The following YRDC variants were observed in gnomAD, a reference collection of about 807,000 sequenced individuals.
YRDC encodes yrdC N6-threonylcarbamoyltransferase domain containing.
Under a neutral mutation model 21.5 loss-of-function variants are expected in YRDC, and 17 were observed. That is an observed-to-expected ratio of 0.79 (90% CI 0.54 to 1.19). The LOEUF is 1.19. Ranked by LOEUF, YRDC falls within the 50% of genes most tolerant of loss-of-function variation. The pLI, the probability that YRDC is intolerant of heterozygous loss-of-function variation, is 0.00. For synonymous variants in YRDC, 193 were observed against 176.7 expected (o/e 1.09, Z -0.73); for missense variants, 380 against 397.1 (o/e 0.96, Z 0.37).
Position 37,808,187 on chromosome 1 carries a change from A to G in YRDC, c.-7T>C, listed in dbSNP as rs560598698. ...ACCGACGCGCCGGAGACATCCGCCCAGGCCCGCTTCCGGGAGGAAGTGACG... is the reference window on the plus strand; with the variant it reads ...ACCGACGCGCCGGAGACATCCGCCCGGGCCCGCTTCCGGGAGGAAGTGACG... On this transcript the variant is annotated 5_prime_UTR_variant, in exon 1 of 5. Coordinates refer to ENST00000373044, the MANE Select transcript of YRDC (RefSeq NM_024640.4). 3,386 of 1,437,358 alleles carry G rather than the reference A, an allele frequency of 2.4e-3. 6 individuals are homozygous for G. Among genetic ancestry groups the G allele is most frequent in the Non-Finnish European group, 2.9e-3 (3,230 of 1,099,676 alleles). The allele number at this position is 1,437,358 out of a possible 1,614,324, so 89.0% of individuals were successfully genotyped here.
At chr1:37,807,751 G>A (rs1409350386) in intron 1 of YRDC, 41 bp downstream of exon 1, 3 of 1,436,640 alleles carry the variant, frequency 2.1e-6, no homozygotes, top group African/African-American at 1.5e-5. Flanking sequence ...AACCCCTCCC[G>A]CGGTGCCGCC....
At chr1:37,807,716 T>C in intron 1 of YRDC, 76 bp downstream of exon 1, 1 of 1,383,976 alleles carries the variant, frequency 7.2e-7, no homozygotes, top group South Asian at 1.5e-5. Flanking sequence ...TCTCTGCGCC[T>C]CAGTCTCCCA....
intron 3 of YRDC, among the ~76,000 whole-genome samples, chr1:37,804,966 C>T (rs1187890948): frequency 2.0e-5 from 3 of 152,154 alleles, no homozygotes; most frequent in Admixed American, 6.5e-5. Context: ...GGTCAAGAGT[C>T]AAAAACTAGG....
intron 3 of YRDC, among the ~76,000 whole-genome samples, 155 bp downstream of exon 3, chr1:37,806,701 GC>G (rs1390185439): frequency 6.6e-6 from 1 of 151,792 alleles, no homozygotes; most frequent in Non-Finnish European, 1.5e-5. Context: ...AATTTATATT[GC>G]CCCCCACCAC....
chr1:37,806,743 T>C (rs750547609), intron 3 of YRDC, 114 bp downstream of exon 3: 183 of 1,513,608 alleles, frequency 1.2e-4, no homozygotes, highest in Non-Finnish European at 1.6e-4. Flanking sequence ...CTTCCCACTG[T>C]TGGCCCAAGA....
chr1:37,805,790 A>T (rs563802862), intron 3 of YRDC, among the ~76,000 whole-genome samples: 1 of 152,286 alleles, frequency 6.6e-6, no homozygotes, highest in African/African-American at 2.4e-5. Context: ...AGTTCTGAGC[A>T]GGGATACGGG....
chr1:37,806,285 C>T (rs534011500), intron 3 of YRDC, among the ~76,000 whole-genome samples: 1 of 152,058 alleles, frequency 6.6e-6, no homozygotes, highest in South Asian at 2.1e-4. Context: ...ACTGTAACCT[C>T]TGCCTCCCAG....
chr1:37,806,586 A>G (rs1646737795), intron 3 of YRDC, among the ~76,000 whole-genome samples: 1 of 152,252 alleles, frequency 6.6e-6, no homozygotes, highest in Non-Finnish European at 1.5e-5. Flanking sequence ...GAAAAACAGG[A>G]AGACATTGTT....
intron 3 of YRDC, among the ~76,000 whole-genome samples, chr1:37,804,797 G>T (rs1646724332): frequency 1.3e-5 from 2 of 152,156 alleles, no homozygotes; most frequent in African/African-American, 4.8e-5. Flanking sequence ...TCGTATCTCC[G>T]TGTGACTGCA....
chr1:37,808,087 G>C lies in YRDC; in HGVS notation c.94C>G (p.Leu32Val). 1 of 1,377,746 alleles carries C rather than the reference G, an allele frequency of 7.3e-7. No homozygotes were observed. Among genetic ancestry groups the C allele is most frequent in the Non-Finnish European group, 9.3e-7 (1 of 1,070,288 alleles). 85.3% of individuals were successfully genotyped at this position (1,377,746 alleles called of 1,614,324 possible). The change falls in exon 1 of 5, where the codon CTC becomes GTC. Residue 32 changes from leucine to valine, a missense_variant. Physicochemically the swap from Leu to Val is conservative, Grantham distance 32. Transcript: ENST00000373044. ...EGPAGSRSGRLFRPPSPAPAA... is the reference protein window; with the variant it reads ...EGPAGSRSGRVFRPPSPAPAA... ...GGAGCGGGACTCGGCGGGCGGAAGAGGCGACCGCTCCGGGAGCCAGCAGGC... is the reference window on the plus strand; with the variant it reads ...GGAGCGGGACTCGGCGGGCGGAAGACGCGACCGCTCCGGGAGCCAGCAGGC...
In YRDC at chr1:37,804,443, T is replaced by A; in HGVS notation, c.626A>T (p.Glu209Val). The change falls in exon 4 of 5, where the codon GAG (glutamate) becomes GTG (valine). Residue 209 changes from glutamate (E) to valine (V), a missense_variant and splice_region_variant. This residue lies in a region of YRDC where 238 missense variants were observed against 236.5 expected (regional missense o/e 1.01). Coordinates refer to ENST00000373044, the MANE Select transcript of YRDC (RefSeq NM_024640.4). ...CAACTGAGGCCAGAGATCCTGGAAC[T>A]CCTGAGAAGAGGGAGAAGGAAGAGC... ...SSQASSLNVEEFQDLWPQLSL... is the reference protein window; with the variant it reads ...SSQASSLNVEVFQDLWPQLSL... The A allele has an allele frequency of 6.2e-7, 1 of 1,610,692 alleles. No individual in the cohort carries two copies. Among genetic ancestry groups the A allele is most frequent in the Non-Finnish European group, 8.5e-7 (1 of 1,177,484 alleles).
Position 37,803,751 on chromosome 1 carries a change from C to G in YRDC, c.*174G>C. On this transcript the variant is annotated 3_prime_UTR_variant, in exon 5 of 5. Coordinates refer to ENST00000373044, the MANE Select transcript of YRDC (RefSeq NM_024640.4). ...ATACATCCTTTCCCCAGGTGCAAGG[C>G]TAAACCAGCAGCTCCAAGGGCTTGG... 1 of 595,494 alleles carries G rather than the reference C, an allele frequency of 1.7e-6. No homozygotes were observed. The highest frequency in any genetic ancestry group is 2.9e-6 in the Non-Finnish European group (1 of 343,888). 36.9% of individuals were successfully genotyped at this position (595,494 alleles called of 1,614,324 possible). A position where few individuals can be genotyped will look rare whatever the true frequency, so the allele number is the denominator to read the frequency against.
Position 37,806,967 on chromosome 1 carries a change from T to C in YRDC, c.514A>G (p.Ile172Val), listed in dbSNP as rs751669677. Residue 172 changes from isoleucine (I) to valine (V), a missense_variant, in exon 3 of 5, where the codon ATT (isoleucine) becomes GTT (valine). Ile to Val is a conservative substitution (Grantham distance 29). Transcript: ENST00000373044. ...ATAAAAGCATGATCAGGAATCCGAATGCCTACAAGCTGTAAGGCAAGGGGA... is the reference window on the plus strand; with the variant it reads ...ATAAAAGCATGATCAGGAATCCGAACGCCTACAAGCTGTAAGGCAAGGGGA... Reference protein sequence around the residue: ...DLNPFTPLVGIRIPDHAFMQD... With the variant: ...DLNPFTPLVGVRIPDHAFMQD... 4 of 1,614,030 alleles carry C rather than the reference T, an allele frequency of 2.5e-6. No homozygotes were observed. In the African/African-American group the frequency reaches 4.0e-5, roughly 16 times the overall value.
At position 37,807,196 on chromosome 1, in the gene YRDC, G is replaced by A. The variant is rs1194393687; in HGVS notation, c.409C>T (p.Pro137Ser). 6.2e-6 allele frequency: 10 copies of A among 1,613,938 alleles called. No homozygotes were observed. The highest frequency in any genetic ancestry group is 3.3e-5 in the South Asian group (3 of 91,090). ...DVYRYCRVRV[P>S]EGLLKDLLPG... The stretch of plus-strand genomic sequence containing the variant: ...AGTAGGTCTTTCAGGAGCCCCTCAG[G>A]TACTCTCACACGGCAGTATCTGGGA... Residue 137 changes from proline (P) to serine (S), a missense_variant, in exon 2 of 5, where the codon CCT (proline) becomes TCT (serine). This residue lies in a region of YRDC where 238 missense variants were observed against 236.5 expected (regional missense o/e 1.01). Coordinates refer to ENST00000373044, the MANE Select transcript of YRDC (RefSeq NM_024640.4).
At chr1:37,806,713 C>T (rs1646739284) in intron 3 of YRDC, 144 bp downstream of exon 3, 1 of 1,317,672 alleles carries the variant, frequency 7.6e-7, no homozygotes, top group Admixed American at 2.3e-5. Flanking sequence ...CCCCCACCAC[C>T]TCCCTGCCAG....
rs398052912 is a variant in YRDC at position 37,806,201 on chromosome 1, C to CTTT, written c.624+653_624+655dup. 1.3e-3 allele frequency among the ~76,000 whole-genome samples: 184 copies of CTTT among 144,338 alleles called. 1 individual carries two copies. In the Middle Eastern group the frequency reaches 0.035, roughly 28 times the overall value. The allele number at this position is 144,338 out of a possible 152,430, so 94.7% of individuals were successfully genotyped here. A position where few individuals can be genotyped will look rare whatever the true frequency, so the allele number is the denominator to read the frequency against. On this transcript the variant is annotated intron_variant, in intron 3 of 4. Transcript: ENST00000373044. ...TAACTTTCTGGAGGCTAAACTTCAT[C>CTTT]TTTTTTTTTTTTTTTAAGAGACAGA...
At chr1:37,807,038 T>C in intron 2 of YRDC, 62 bp from the exon 3 acceptor site, 1 of 1,613,958 alleles carries the variant, frequency 6.2e-7, no homozygotes, top group Non-Finnish European at 8.5e-7. Context: ...GTAAGTCTTA[T>C]CTGGATCCTA....
intron 1 of YRDC, 74 bp from the exon 2 acceptor site, chr1:37,807,289 A>G (rs1293039148): frequency 2.9e-6 from 4 of 1,373,064 alleles, no homozygotes; most frequent in Non-Finnish European, 4.1e-6. Flanking sequence ...CTCTAGGCAG[A>G]CGTAGAAAAG....
At chr1:37,806,442 T>C (rs1249544760) in intron 3 of YRDC, among the ~76,000 whole-genome samples, 1 of 152,224 alleles carries the variant, frequency 6.6e-6, no homozygotes, top group Non-Finnish European at 1.5e-5. Flanking sequence ...CCTCACATGA[T>C]CCACCTGCTT....
Sources: gnomAD v4.1 joint callset for allele counts (sites outside exome capture counted in the v4.1 genomes callset) on GRCh38, gnomAD v4.1.1 for gene constraint, gnomAD v4.1.1 regional missense constraint, MANE v1.5 for transcripts, NCBI Gene and HGNC (gene_info 2026-07-23, HGNC 2026-07-21) for gene names.